The following KIAA1549 variants were observed in gnomAD, a reference collection of about 807,000 sequenced individuals.
The protein encoded by KIAA1549 is KIAA1549.
KIAA1549 carries 70 observed loss-of-function variants against 156.4 expected under a neutral mutation model. The ratio of observed to expected loss-of-function variants is 0.45; its 90% CI spans 0.37 to 0.55. The LOEUF is 0.55. Among genes scored for constraint, KIAA1549 ranks in the 20% least tolerant of loss-of-function variants. The probability of loss-of-function intolerance (pLI) is 0.00; values close to 1 mark genes in which losing one functional copy is unlikely to be tolerated. For missense variants in KIAA1549, 2,428 were observed against 2,540.9 expected (o/e 0.96, Z 0.96); for synonymous variants, 1,103 against 1,066.4 (o/e 1.03, Z -0.67).
At chr7:138,965,164 C>G (rs1584789257) in intron 1 of KIAA1549, among the ~76,000 whole-genome samples, 1 of 152,098 alleles carries the variant, frequency 6.6e-6, no homozygotes, top group Middle Eastern at 3.4e-3. Flanking sequence ...TCCCTGGTAA[C>G]AGGAGATTTG....
chr7:138,840,145 C>T lies in KIAA1549; in HGVS notation c.5586G>A (p.Gly1862=). 5 of 1,552,200 alleles carry T rather than the reference C, an allele frequency of 3.2e-6. No homozygotes were observed. The highest frequency in any genetic ancestry group is 4.4e-6 in the Non-Finnish European group (5 of 1,147,194). The part of the protein sequence containing the change: ...GWPSYGEDEA[G]RREATHMLGH... ...AGGAGATACTCACGGCCTCTCTTCG[C>T]CCCGCTTCGTCCTCCCCGTACGAAG... Residue 1862 remains glycine, a synonymous_variant, in exon 19 of 20, where the codon GGG becomes GGA. Coordinates refer to ENST00000422774, the MANE Select transcript of KIAA1549 (RefSeq NM_001164665.2).
chr7:138,906,795 C>G, intron 6 of KIAA1549, 124 bp downstream of exon 6: 1 of 728,852 alleles, frequency 1.4e-6, no homozygotes, highest in Non-Finnish European at 2.1e-6. Context: ...ACCCCAACGC[C>G]TTATGGAAAA....
intron 12 of KIAA1549, 36 bp downstream of exon 12, chr7:138,879,502 C>A: frequency 1.5e-6 from 2 of 1,311,676 alleles, no homozygotes; most frequent in Non-Finnish European, 2.1e-6. Context: ...CTCATAGGGA[C>A]TACTTTTAAT....
rs1235343840 is a variant in KIAA1549 at position 138,832,300 on chromosome 7, G to A, written c.*5606C>T. 16 of 196,488 alleles carry A rather than the reference G, an allele frequency of 8.1e-5. No homozygotes were observed. In the Middle Eastern group the frequency reaches 4.8e-3, roughly 59 times the overall value. 12.2% of individuals were successfully genotyped at this position (196,488 alleles called of 1,614,324 possible). A position where few individuals can be genotyped will look rare whatever the true frequency, so the allele number is the denominator to read the frequency against. On this transcript the variant is annotated 3_prime_UTR_variant, in exon 20 of 20. Transcript: ENST00000422774. ...CAGCCTCCAACTCATTGGCTCAAGC[G>A]ATCCTCCAGTCTTAGCCTTTCGAGT... is the stretch of plus-strand genomic sequence containing the variant.
chr7:138,851,940 C>T (rs1045285147), intron 17 of KIAA1549, among the ~76,000 whole-genome samples: 3 of 152,174 alleles, frequency 2.0e-5, no homozygotes, highest in East Asian at 1.9e-4. Flanking sequence ...GGTCTCATAC[C>T]GCTTCACTGC....
Position 138,899,637 on chromosome 7 carries a change from G to A in KIAA1549, c.3670-505C>T, listed in dbSNP as rs147628047. Among the ~76,000 whole-genome samples, 730 of 152,242 alleles carry A rather than the reference G, an allele frequency of 4.8e-3. 9 individuals carry two copies. Among genetic ancestry groups the A allele is most frequent in the African/African-American group, 0.017 (686 of 41,520 alleles). ...TACTGACAATCCCTTGACATGGGGT[G>A]CACTGTAGATGGTTAGTAGTATCCC... On this transcript the variant is annotated intron_variant, in intron 8 of 19. Transcript: ENST00000422774.
intron 1 of KIAA1549, among the ~76,000 whole-genome samples, chr7:138,940,625 A>C (rs1008223239): frequency 0.03 from 4,489 of 151,984 alleles, 217 homozygotes; most frequent in African/African-American, 0.1. Context: ...GTTTACAGTC[A>C]CAACAACAGT....
chr7:138,897,068 C>T (rs1392678326), intron 9 of KIAA1549, among the ~76,000 whole-genome samples: 1 of 152,098 alleles, frequency 6.6e-6, no homozygotes, highest in Non-Finnish European at 1.5e-5. Context: ...GTTTTCGGTA[C>T]AAAACTGAGG....
chr7:138,899,231 C>T, intron 8 of KIAA1549, 99 bp from the exon 9 acceptor site: 3 of 1,087,046 alleles, frequency 2.8e-6, no homozygotes, highest in Middle Eastern at 2.1e-4. Flanking sequence ...AGGATTTATT[C>T]CAATCCTCAT....
Position 138,881,484 on chromosome 7 carries a change from G to A in KIAA1549, c.4133C>T (p.Pro1378Leu), listed in dbSNP as rs1193631551. ...ILIIHEPAPLPGPLKDHTTPS... is the reference protein window; with the variant it reads ...ILIIHEPAPLLGPLKDHTTPS... Reference sequence around the variant, plus strand: ...CGTGGTGTGGTCCTTCAGAGGTCCTGGCAGTGGCGCTGGCTCATGAATAAT... The same window carrying A: ...CGTGGTGTGGTCCTTCAGAGGTCCTAGCAGTGGCGCTGGCTCATGAATAAT... The change falls in exon 11 of 20, where the codon CCA (proline) becomes CTA (leucine). Residue 1378 changes from proline to leucine, a missense_variant. Physicochemically the swap from Pro to Leu is moderately conservative, Grantham distance 98 (BLOSUM62 -3). This residue lies in a region of KIAA1549 where 762 missense variants were observed against 901.6 expected (regional missense o/e 0.85). Transcript: ENST00000422774. The A allele has an allele frequency of 6.2e-7, 1 of 1,613,914 alleles. No homozygotes were observed. Among genetic ancestry groups the A allele is most frequent in the Non-Finnish European group, 8.5e-7 (1 of 1,179,894 alleles).
intron 2 of KIAA1549, among the ~76,000 whole-genome samples, 181 bp from the exon 3 acceptor site, chr7:138,912,641 G>C (rs1377716361): frequency 1.3e-5 from 2 of 151,962 alleles, no homozygotes; most frequent in African/African-American, 4.8e-5. Flanking sequence ...TAACTACCTG[G>C]AGAAGAACAG....
At chr7:138,849,650 T>G (rs1563048465) in intron 17 of KIAA1549, among the ~76,000 whole-genome samples, 1 of 152,042 alleles carries the variant, frequency 6.6e-6, no homozygotes, top group Non-Finnish European at 1.5e-5. Context: ...TACAGATTAT[T>G]TCATCATCTC....
At chr7:138,955,333 A>C (rs1244050409) in intron 1 of KIAA1549, among the ~76,000 whole-genome samples, 1 of 152,240 alleles carries the variant, frequency 6.6e-6, no homozygotes, top group Non-Finnish European at 1.5e-5. Context: ...TCTGACACAC[A>C]CTACAACACA....
At position 138,919,362 on chromosome 7, in the gene KIAA1549, G is replaced by A. The variant is rs758254683; in HGVS notation, c.264C>T (p.Ser88=). ...TTTCTGTTAAGGCCACTTGTGCAGC[G>A]CTGTGCCCAGTGCTTTTCTTCAGCA... ...ELVLKKSTGH[S]AAQVALTETA... is the part of the protein sequence containing the mutation. Residue 88 remains serine (S), a synonymous_variant, in exon 2 of 20, where the codon AGC becomes AGT. Transcript: ENST00000422774. 1.6e-5 allele frequency: 26 copies of A among 1,613,870 alleles called. No homozygotes were observed. Among genetic ancestry groups the A allele is most frequent in the Admixed American group, 3.3e-5 (2 of 60,002 alleles).
rs1195975575 is a variant in KIAA1549, at chr7:138,947,555, C to T, written c.188-28117G>A. On this transcript the variant is annotated intron_variant, in intron 1 of 19. Transcript: ENST00000422774. ...GTTTTGAAATTATACACACAGACTC[C>T]TGTTTTGATATGAAGAATCTTACAA... Among the ~76,000 whole-genome samples the T allele has an allele frequency of 2.0e-5, 3 of 152,164 alleles. No homozygotes were observed. The East Asian group carries it at 5.8e-4, about 29-fold the overall frequency.
At chr7:138,846,758 C>A (rs778161982) in intron 17 of KIAA1549, among the ~76,000 whole-genome samples, 8 of 151,840 alleles carry the variant, frequency 5.3e-5, no homozygotes, top group Non-Finnish European at 8.8e-5. Context: ...TGAAGAAATT[C>A]AAGAAAAAAA....
At chr7:138,969,444 T>G (rs541625731) in intron 1 of KIAA1549, among the ~76,000 whole-genome samples, 3 of 152,242 alleles carry the variant, frequency 2.0e-5, no homozygotes, top group Admixed American at 6.5e-5. Flanking sequence ...TCATCCATGT[T>G]GTAGCATGTG....
chr7:138,965,064 G>A (rs192027215), intron 1 of KIAA1549, among the ~76,000 whole-genome samples: 6 of 151,416 alleles, frequency 4.0e-5, no homozygotes, highest in African/African-American at 7.3e-5. Flanking sequence ...CTGCTCAAGC[G>A]ATCCTCCCTC....
At chr7:138,979,144 A>G (rs1005391421) in intron 1 of KIAA1549, among the ~76,000 whole-genome samples, 1 of 152,182 alleles carries the variant, frequency 6.6e-6, no homozygotes, top group Non-Finnish European at 1.5e-5. Context: ...GCCAATATAC[A>G]AACCAGTGAA....
Sources: gnomAD v4.1 joint callset for allele counts (sites outside exome capture counted in the v4.1 genomes callset) on GRCh38, gnomAD v4.1.1 for gene constraint, gnomAD v4.1.1 regional missense constraint, MANE v1.5 for transcripts, NCBI Gene and HGNC (gene_info 2026-07-23, HGNC 2026-07-21) for gene names.